TMC1: variants seen among roughly 807,000 people sequenced by gnomAD.
TMC1 encodes the protein transmembrane channel-like protein 1.
In TMC1, 84 loss-of-function variants were observed where a neutral mutation model predicts 105.8. The observed-to-expected ratio is 0.79, with a 90% CI of 0.67 to 0.95. The LOEUF (loss-of-function observed/expected upper bound fraction) is 0.95, where lower values mean the gene tolerates loss of function less well. TMC1 is among the 40% of genes least tolerant of loss of function. The pLI, the probability that TMC1 is intolerant of heterozygous loss-of-function variation, is 0.00. For synonymous variants in TMC1, 315 were observed against 311.5 expected, an observed-to-expected ratio of 1.01 and a Z score of -0.12; for missense variants, 817 against 914.1, an observed-to-expected ratio of 0.89 and a Z score of 1.37.
chr9:72,773,788 C>T (rs1385585918), intron 13 of TMC1, among the ~76,000 whole-genome samples: 1 of 152,094 alleles, frequency 6.6e-6, no homozygotes, highest in African/African-American at 2.4e-5. Context: ...GATGACTCAG[C>T]TTTTATTCCG....
intron 10 of TMC1, among the ~76,000 whole-genome samples, chr9:72,747,518 A>C (rs983100582): frequency 6.6e-6 from 1 of 152,212 alleles, no homozygotes; most frequent in African/African-American, 2.4e-5. Context: ...ATATTCAGGA[A>C]CAAGAATATG....
chr9:72,810,913 T>C (rs1828692521), intron 18 of TMC1, among the ~76,000 whole-genome samples: 1 of 152,194 alleles, frequency 6.6e-6, no homozygotes, highest in Non-Finnish European at 1.5e-5. Context: ...ATGATAAATT[T>C]CTCTGAGTTG....
At position 72,521,636 on chromosome 9, in the gene TMC1, C is replaced by T. The variant is rs1010470425; in HGVS notation, c.-705C>T. The T allele has an allele frequency of 9.2e-5, 14 of 151,774 alleles. No homozygotes were observed. Among genetic ancestry groups the T allele is most frequent in the African/African-American group, 3.4e-4 (14 of 41,228 alleles). The allele number at this position is 151,774 out of a possible 1,614,324, so 9.4% of individuals were successfully genotyped here. On this transcript the variant is annotated 5_prime_UTR_variant, in exon 1 of 24. An upstream open reading frame in the 5' UTR gains an earlier in-frame stop. Transcript: ENST00000297784. ...GGCGCGCGACTGTTTCCCATCTACT[C>T]AGAGGCTGAGGCGGGAGAATCGCTT... is the stretch of plus-strand genomic sequence containing the variant.
chr9:72,666,745 T>A (rs1826048854), intron 5 of TMC1, among the ~76,000 whole-genome samples: 1 of 151,998 alleles, frequency 6.6e-6, no homozygotes, highest in African/African-American at 2.4e-5. Flanking sequence ...AATTAACAAA[T>A]AAGTAGATAA....
At chr9:72,586,084 C>G (rs1824550867) in intron 2 of TMC1, among the ~76,000 whole-genome samples, 1 of 152,140 alleles carries the variant, frequency 6.6e-6, no homozygotes, top group Non-Finnish European at 1.5e-5. Flanking sequence ...TCAACATGCA[C>G]TAATATATAC....
In TMC1 at chr9:72,791,913, A is replaced by T. The variant is rs775453038; in HGVS notation, c.1252A>T (p.Met418Leu). 17 of 1,613,024 alleles carry T rather than the reference A, an allele frequency of 1.1e-5. No individual in the cohort carries two copies. The Admixed American group carries it at 1.7e-4, about 16-fold the overall frequency. Residue 418 changes from methionine to leucine, a missense_variant, in exon 16 of 24, where the codon ATG becomes TTG. Met to Leu is a conservative substitution (Grantham distance 15). Coordinates refer to ENST00000297784, the MANE Select transcript of TMC1 (RefSeq NM_138691.3). Reference sequence around the variant, plus strand: ...GAACATGGTTATGTCCCTCCTAGGGATGTTCTGTCCAACATTGTTTGACTT... The same window carrying T: ...GAACATGGTTATGTCCCTCCTAGGGTTGTTCTGTCCAACATTGTTTGACTT... ...EMNMVMSLLG[M>L]FCPTLFDLFA...
intron 1 of TMC1, among the ~76,000 whole-genome samples, chr9:72,547,805 A>G (rs1236695948): frequency 2.0e-5 from 3 of 152,220 alleles, no homozygotes; most frequent in Non-Finnish European, 4.4e-5. Flanking sequence ...TGTATAGCTA[A>G]GCGTATTAGT....
intron 5 of TMC1, among the ~76,000 whole-genome samples, chr9:72,675,759 G>A (rs547374056): frequency 3.3e-5 from 5 of 152,146 alleles, no homozygotes; most frequent in Admixed American, 6.6e-5. Context: ...AGACTGTCAA[G>A]CTCTTACTAA....
At chr9:72,822,260 T>C (rs1828886769) in intron 20 of TMC1, among the ~76,000 whole-genome samples, 1 of 152,214 alleles carries the variant, frequency 6.6e-6, no homozygotes, top group African/African-American at 2.4e-5. Context: ...TAAAAAGCCA[T>C]GTGAATGATA....
intron 17 of TMC1, among the ~76,000 whole-genome samples, chr9:72,796,554 A>G (rs1228153253): frequency 2.6e-5 from 4 of 152,214 alleles, no homozygotes; most frequent in Non-Finnish European, 5.9e-5. Flanking sequence ...CTTGGGATGG[A>G]AGGTTAGTTC....
intron 1 of TMC1, among the ~76,000 whole-genome samples, chr9:72,577,105 C>G (rs1310766501): frequency 1.3e-5 from 2 of 151,994 alleles, no homozygotes; most frequent in Non-Finnish European, 2.9e-5. Context: ...AATGTACTTA[C>G]TCTGCAGCTA....
At chr9:72,695,956 A>C (rs1826543310) in intron 7 of TMC1, among the ~76,000 whole-genome samples, 1 of 152,072 alleles carries the variant, frequency 6.6e-6, no homozygotes. Context: ...TTTATGTCCC[A>C]TGTATTACTA....
At chr9:72,822,729 C>G (rs945893866) in intron 20 of TMC1, among the ~76,000 whole-genome samples, 8 of 152,184 alleles carry the variant, frequency 5.3e-5, no homozygotes, top group Non-Finnish European at 1.2e-4. Context: ...ATTATTCACA[C>G]TACTTATTAT....
Position 72,530,532 on chromosome 9 carries a change from G to C in TMC1, c.-428+8619G>C, listed in dbSNP as rs370978854. On this transcript the variant is annotated intron_variant, in intron 1 of 23. Coordinates refer to ENST00000297784, the MANE Select transcript of TMC1 (RefSeq NM_138691.3). Reference sequence around the variant, plus strand: ...TTGAACCCGGGAGGTGGAGGTTGCAGTGGACCGAGATTGTGCCACTGCACT... The same window carrying C: ...TTGAACCCGGGAGGTGGAGGTTGCACTGGACCGAGATTGTGCCACTGCACT... Among the ~76,000 whole-genome samples, 4 of 151,810 alleles carry C rather than the reference G, an allele frequency of 2.6e-5. No homozygotes were observed. The South Asian group carries it at 6.2e-4, about 24-fold the overall frequency.
At chr9:72,810,606 G>A (rs922486059) in intron 18 of TMC1, among the ~76,000 whole-genome samples, 26 of 152,078 alleles carry the variant, frequency 1.7e-4, no homozygotes, top group East Asian at 7.7e-4. Flanking sequence ...TTTTGTATAC[G>A]TATATATGTG....
At chr9:72,615,862 T>C (rs1825117647) in intron 2 of TMC1, among the ~76,000 whole-genome samples, 2 of 152,144 alleles carry the variant, frequency 1.3e-5, no homozygotes, top group South Asian at 4.2e-4. Context: ...TAAGCAATTC[T>C]TGTGCCTTAG....
chr9:72,565,881 C>T (rs922291813), intron 1 of TMC1, among the ~76,000 whole-genome samples: 1 of 152,194 alleles, frequency 6.6e-6, no homozygotes, highest in Non-Finnish European at 1.5e-5. Context: ...TTACCTCCCA[C>T]CAGCTCCCCT....
At chr9:72,588,570 C>T (rs1485424071) in intron 2 of TMC1, among the ~76,000 whole-genome samples, 1 of 152,118 alleles carries the variant, frequency 6.6e-6, no homozygotes. Flanking sequence ...GGTTCCAAGG[C>T]AGAAAGTAAA....
intron 1 of TMC1, among the ~76,000 whole-genome samples, chr9:72,570,840 C>G (rs1824268942): frequency 6.7e-6 from 1 of 150,032 alleles, no homozygotes; most frequent in East Asian, 2.0e-4. Flanking sequence ...AGGTACTCAC[C>G]ACCATGCTTG....
Sources: gnomAD v4.1 joint callset for allele counts (sites outside exome capture counted in the v4.1 genomes callset) on GRCh38, gnomAD v4.1.1 for gene constraint, MANE v1.5 for transcripts, NCBI Gene and HGNC (gene_info 2026-07-23, HGNC 2026-07-21) for gene names.